The following CNIH3 variants were observed in gnomAD, a reference collection of about 807,000 sequenced individuals.
CNIH3 encodes protein cornichon homolog 3.
A neutral mutation model predicts 24.1 loss-of-function variants in CNIH3; 14 were observed. The observed-to-expected ratio is 0.58, with a 90% confidence interval of 0.38 to 0.91. The LOEUF is 0.91. Among genes scored for constraint, CNIH3 ranks in the 40% least tolerant of loss-of-function variants. CNIH3 has a pLI of 0.00. For synonymous variants in CNIH3, 68 were observed against 73.8 expected (o/e 0.92, Z 0.40); for missense variants, 178 against 196.8 (o/e 0.90, Z 0.57).
chr1:224,628,531 C>T (rs951809082), intron 1 of CNIH3, among the ~76,000 whole-genome samples: 6 of 152,122 alleles, frequency 3.9e-5, no homozygotes, highest in African/African-American at 1.4e-4. Context: ...TGGAATCATA[C>T]AGTATTTGTC....
At chr1:224,468,748 G>A (rs1024694976) in intron 1 of CNIH3, among the ~76,000 whole-genome samples, 2 of 151,234 alleles carry the variant, frequency 1.3e-5, no homozygotes, top group Admixed American at 6.6e-5. Context: ...GAGGCCAGGA[G>A]TTAAAGGCTG....
At chr1:224,540,782 A>C (rs1679482826), downstream of CNIH3, among the ~76,000 whole-genome samples, 2 of 152,352 alleles carry the variant, frequency 1.3e-5, no homozygotes, top group South Asian at 4.1e-4. Context: ...TTAAACTTGC[A>C]TGTTGGAATT....
intron 2 of CNIH3, among the ~76,000 whole-genome samples, chr1:224,534,832 C>G (rs987697738): frequency 6.6e-6 from 1 of 152,160 alleles, no homozygotes; most frequent in Non-Finnish European, 1.5e-5. Flanking sequence ...GGGGCTGATC[C>G]ACAATGAACA....
intron 1 of CNIH3, among the ~76,000 whole-genome samples, chr1:224,634,585 T>G (rs6671515): frequency 0.26 from 17,183 of 65,118 alleles, 1,728 homozygotes; most frequent in East Asian, 0.46. Context: ...AAAAAAAAAA[T>G]AAAAAAAAAA....
downstream of CNIH3, among the ~76,000 whole-genome samples, chr1:224,539,963 G>A (rs546824538): frequency 1.2e-4 from 18 of 152,148 alleles, no homozygotes; most frequent in South Asian, 2.7e-3. Context: ...TTCTGTATTC[G>A]TGTAACATTG....
At chr1:224,605,875 T>C (rs907197798) in intron 3 of CNIH3, among the ~76,000 whole-genome samples, 4 of 152,318 alleles carry the variant, frequency 2.6e-5, no homozygotes, top group African/African-American at 9.6e-5. Flanking sequence ...ATTTGAGTAA[T>C]AACTCTGTCT....
intron 1 of CNIH3, among the ~76,000 whole-genome samples, chr1:224,670,940 G>A (rs957731724): frequency 6.6e-6 from 1 of 152,206 alleles, no homozygotes; most frequent in Admixed American, 6.5e-5. Context: ...ATTTAAATTG[G>A]TAAAGCAGAT....
intron 1 of CNIH3, among the ~76,000 whole-genome samples, chr1:224,678,963 AACT>A (rs1558284825): frequency 6.6e-6 from 1 of 152,112 alleles, no homozygotes; most frequent in South Asian, 2.1e-4. Flanking sequence ...TACAGCCTGT[AACT>A]ACTACTCAAC....
At chr1:224,475,007 T>C (rs1676520415) in intron 1 of CNIH3, among the ~76,000 whole-genome samples, 1 of 138,502 alleles carries the variant, frequency 7.2e-6, no homozygotes, top group Non-Finnish European at 1.5e-5. Flanking sequence ...ATCGTGCCAC[T>C]GCACTCCAGC....
chr1:224,550,672 T>C (rs894886107), intron 3 of CNIH3, among the ~76,000 whole-genome samples: 3 of 152,230 alleles, frequency 2.0e-5, no homozygotes, highest in Non-Finnish European at 4.4e-5. Context: ...AAACACTGGA[T>C]ATAATAGAAA....
intron 1 of CNIH3, among the ~76,000 whole-genome samples, chr1:224,654,938 G>A (rs1205403461): frequency 6.6e-6 from 1 of 152,144 alleles, no homozygotes; most frequent in East Asian, 1.9e-4. Flanking sequence ...CTAACCTTCA[G>A]GTCTCTCTTT....
At chr1:224,649,845 C>T (rs1419778456) in intron 1 of CNIH3, among the ~76,000 whole-genome samples, 1 of 152,218 alleles carries the variant, frequency 6.6e-6, no homozygotes, top group Non-Finnish European at 1.5e-5. Context: ...TATAATCTCT[C>T]TGTTGTAAAT....
At chr1:224,479,144 C>CTTTTT (rs35188696) in intron 1 of CNIH3, among the ~76,000 whole-genome samples, 1 of 53,692 alleles carries the variant, frequency 1.9e-5, no homozygotes, top group Non-Finnish European at 3.2e-5. Flanking sequence ...CCCCCAAAGT[C>CTTTTT]TTTTTTTTTT....
intron 1 of CNIH3, among the ~76,000 whole-genome samples, chr1:224,678,338 G>A (rs527829910): frequency 6.6e-6 from 1 of 152,282 alleles, no homozygotes; most frequent in South Asian, 2.1e-4. Flanking sequence ...CCACAAAAAA[G>A]CTAATGCAAT....
intron 3 of CNIH3, among the ~76,000 whole-genome samples, chr1:224,727,226 T>C (rs1205844729): frequency 6.6e-6 from 1 of 152,158 alleles, no homozygotes; most frequent in African/African-American, 2.4e-5. Context: ...GATTACTCAG[T>C]CTGGGGCTTG....
intron 3 of CNIH3, among the ~76,000 whole-genome samples, chr1:224,729,433 AAAG>A (rs1238242235): frequency 2.7e-5 from 4 of 150,654 alleles, no homozygotes; most frequent in South Asian, 2.1e-4. Flanking sequence ...AAAAAAAAAA[AAAG>A]GTAAGTGGCA....
chr1:224,684,723 G>A lies in CNIH3; in HGVS notation c.151-73G>A. 7.3e-7 allele frequency: 1 copy of A among 1,367,918 alleles called. No homozygotes were observed. Among genetic ancestry groups the A allele is most frequent in the Non-Finnish European group, 1.0e-6 (1 of 956,408 alleles). The allele number at this position is 1,367,918 out of a possible 1,614,324, so 84.7% of individuals were successfully genotyped here. A position where few individuals can be genotyped will look rare whatever the true frequency, so the allele number is the denominator to read the frequency against. ...TCTGCCTCCACTATTGGGGCTGATT[G>A]CGGGGCCTTCTCATGCTATTTTAGC... is the stretch of plus-strand genomic sequence containing the variant. On this transcript the variant is annotated intron_variant, in intron 2 of 5. Transcript: ENST00000272133. The surrounding 1 kb of genome is among the most constrained non-coding windows in gnomAD (Gnocchi z 4.2).
At chr1:224,600,127 AT>A (rs1682144832) in intron 3 of CNIH3, among the ~76,000 whole-genome samples, 1 of 151,092 alleles carries the variant, frequency 6.6e-6, no homozygotes, top group South Asian at 2.1e-4. Flanking sequence ...TACTCTCTCA[AT>A]TTTTAATTTC....
chr1:224,491,126 G>A (rs1021794700), intron 1 of CNIH3, among the ~76,000 whole-genome samples: 4 of 152,068 alleles, frequency 2.6e-5, no homozygotes, highest in Non-Finnish European at 4.4e-5. Flanking sequence ...ATAGAAATAC[G>A]GAGTCCTTCT....
Sources: allele counts gnomAD v4.1 joint callset (sites outside exome capture counted in the v4.1 genomes callset), GRCh38; gene constraint gnomAD v4.1.1; non-coding constraint Gnocchi (gnomAD v3.1); transcripts MANE v1.5; gene names NCBI Gene and HGNC (gene_info 2026-07-23, HGNC 2026-07-21).